The following ADAMTS9 variants were observed in gnomAD, a reference collection of about 807,000 sequenced individuals.
ADAMTS9 encodes ADAM metallopeptidase with thrombospondin type 1 motif 9, also known as A disintegrin and metalloproteinase with thrombospondin motifs 9.
Under a neutral mutation model 257.1 loss-of-function variants are expected in ADAMTS9, and 107 were observed. The observed-to-expected ratio is 0.42, with a 90% confidence interval of 0.36 to 0.49. The LOEUF is 0.49. Among genes scored for constraint, ADAMTS9 ranks in the 20% least tolerant of loss-of-function variants. The probability of loss-of-function intolerance (pLI) is 0.03; values close to 1 mark genes in which losing one functional copy is unlikely to be tolerated. For synonymous variants in ADAMTS9, 982 were observed against 880.9 expected (o/e 1.11, Z -2.03); for missense variants, 2,353 against 2,469.1 (o/e 0.95, Z 1.00).
rs79660480 is a variant in ADAMTS9, at chr3:64,594,532, T to G, written c.4180-98A>C. 75 of 1,460,608 alleles carry G rather than the reference T, an allele frequency of 5.1e-5. No individual in the cohort carries two copies. In the African/African-American group the frequency reaches 9.4e-4, roughly 18 times the overall value. The allele number at this position is 1,460,608 out of a possible 1,614,324, so 90.5% of individuals were successfully genotyped here. A position where few individuals can be genotyped will look rare whatever the true frequency, so the allele number is the denominator to read the frequency against. ...TTCTTAGCCAAACTCAATTATGGCA[T>G]TGGGCAAGGTAAGCCTCTGACAGAT... is the stretch of plus-strand genomic sequence containing the variant. On this transcript the variant is annotated intron_variant, in intron 27 of 39. Transcript: ENST00000498707.
At chr3:64,568,560 T>C (rs1444452093) in intron 28 of ADAMTS9, 25 bp from the exon 29 acceptor site, 1 of 1,606,520 alleles carries the variant, frequency 6.2e-7, no homozygotes, top group Non-Finnish European at 8.5e-7. Context: ...AATGGCAAGG[T>C]TGTTGTTGTT....
At chr3:64,561,460 G>A in intron 30 of ADAMTS9, 118 bp downstream of exon 30, 1 of 1,153,892 alleles carries the variant, frequency 8.7e-7, no homozygotes, top group Non-Finnish European at 1.2e-6. Context: ...TTTTGGGAAA[G>A]AGCCAGCATT....
At chr3:64,657,922 A>C (rs1351121113) in intron 4 of ADAMTS9, among the ~76,000 whole-genome samples, 1 of 152,160 alleles carries the variant, frequency 6.6e-6, no homozygotes, top group Non-Finnish European at 1.5e-5. Context: ...ATGGGAGTAG[A>C]AAAATAGAAT....
intron 28 of ADAMTS9, among the ~76,000 whole-genome samples, chr3:64,580,331 A>G (rs1394456096): frequency 6.6e-6 from 1 of 152,162 alleles, no homozygotes; most frequent in African/African-American, 2.4e-5. Flanking sequence ...CTTTCTAAGT[A>G]TAGGATATCC....
At chr3:64,625,770 G>C (rs1700209048) in intron 16 of ADAMTS9, among the ~76,000 whole-genome samples, 1 of 152,044 alleles carries the variant, frequency 6.6e-6, no homozygotes, top group Admixed American at 6.6e-5. Flanking sequence ...CCAACTTCTT[G>C]GCTCAAAATC....
Position 64,658,555 on chromosome 3 carries a change from C to A in ADAMTS9, c.916G>T (p.Val306Phe), listed in dbSNP as rs1038661890. ...TGAAGGTTTTCTCCATGGTATGAAA[C>A]CATTCTGTTGTCTGCCACCACCAAG... ...EVLVVADNRM[V>F]SYHGENLQHY... is the part of the protein sequence containing the mutation. Residue 306 changes from valine to phenylalanine, a missense_variant, in exon 4 of 40, where the codon GTT becomes TTT. By Grantham distance (50) the Val-to-Phe change is conservative (BLOSUM62 -1). Coordinates refer to ENST00000498707, the MANE Select transcript of ADAMTS9 (RefSeq NM_182920.2). 2 of 1,613,894 alleles carry A rather than the reference C, an allele frequency of 1.2e-6. No individual in the cohort carries two copies. The highest frequency in any genetic ancestry group is 1.7e-6 in the Non-Finnish European group (2 of 1,179,992).
At chr3:64,625,115 A>G (rs988043558) in intron 16 of ADAMTS9, among the ~76,000 whole-genome samples, 2 of 152,214 alleles carry the variant, frequency 1.3e-5, no homozygotes, top group African/African-American at 4.8e-5. Flanking sequence ...AGAAACAAGG[A>G]CATTTAACTC....
At chr3:64,561,431 G>C in intron 30 of ADAMTS9, 147 bp downstream of exon 30, 1 of 791,548 alleles carries the variant, frequency 1.3e-6, no homozygotes, top group Non-Finnish European at 1.9e-6. Context: ...GAGCGAATGC[G>C]CGAGTCTGAC....
intron 30 of ADAMTS9, 134 bp downstream of exon 30, chr3:64,561,444 T>A: frequency 1.0e-6 from 1 of 1,001,986 alleles, no homozygotes; most frequent in Non-Finnish European, 1.4e-6. Flanking sequence ...AGTCTGACAG[T>A]GAACCTTTTG....
Position 64,613,459 on chromosome 3 carries a change from C to A in ADAMTS9, c.3240G>T (p.Gln1080His), listed in dbSNP as rs751868431. 7.4e-6 allele frequency: 12 copies of A among 1,613,906 alleles called. No homozygotes were observed. Among genetic ancestry groups the A allele is most frequent in the African/African-American group, 2.7e-5 (2 of 74,936 alleles). ...TATCATTTAATCGATCTTCACCAAACTGACACCAGACCTGGCGGTGCTTAT... is the reference window on the plus strand; with the variant it reads ...TATCATTTAATCGATCTTCACCAAAATGACACCAGACCTGGCGGTGCTTAT... ...KGHKHRQVWC[Q>H]FGEDRLNDRM... Residue 1080 changes from glutamine to histidine, a missense_variant, in exon 22 of 40, where the codon CAG (glutamine) becomes CAT (histidine). By Grantham distance (24) the Gln-to-His change is conservative. Coordinates refer to ENST00000498707, the MANE Select transcript of ADAMTS9 (RefSeq NM_182920.2).
chr3:64,671,438 C>T (rs1701485222), intron 3 of ADAMTS9, among the ~76,000 whole-genome samples: 1 of 152,050 alleles, frequency 6.6e-6, no homozygotes, highest in African/African-American at 2.4e-5. Flanking sequence ...GTAAATGTTA[C>T]AGCATGTAAA....
At chr3:64,536,772 G>A (rs2083056203) in intron 37 of ADAMTS9, among the ~76,000 whole-genome samples, 1 of 152,168 alleles carries the variant, frequency 6.6e-6, no homozygotes, top group South Asian at 2.1e-4. Flanking sequence ...CATAATAAAT[G>A]CTAGCTATTA....
chr3:64,544,763 C>T (rs555000896), intron 32 of ADAMTS9, among the ~76,000 whole-genome samples: 2 of 152,210 alleles, frequency 1.3e-5, no homozygotes, highest in East Asian at 3.9e-4. Flanking sequence ...AATAGACAAA[C>T]AGGATCTAAT....
intron 3 of ADAMTS9, among the ~76,000 whole-genome samples, chr3:64,680,275 C>G (rs898536085): frequency 6.6e-6 from 1 of 151,736 alleles, no homozygotes; most frequent in Non-Finnish European, 1.5e-5. Context: ...CCAGAAAGAC[C>G]CTGAGATGCT....
In ADAMTS9 at chr3:64,616,190, C is replaced by A. The variant is rs762628475; in HGVS notation, c.2814-20G>T. ...TGCCACCTATGCAAAAATAATGGGG[C>A]AAAACCAACATTTCTGTTAAAAATA... is the stretch of plus-strand genomic sequence containing the variant. On this transcript the variant is annotated intron_variant, in intron 19 of 39. Coordinates refer to ENST00000498707, the MANE Select transcript of ADAMTS9 (RefSeq NM_182920.2). 1.2e-6 allele frequency: 2 copies of A among 1,611,870 alleles called. No individual in the cohort carries two copies. The highest frequency in any genetic ancestry group is 1.7e-6 in the Non-Finnish European group (2 of 1,178,048).
intron 16 of ADAMTS9, among the ~76,000 whole-genome samples, chr3:64,625,919 T>C (rs1461167835): frequency 2.0e-5 from 3 of 152,174 alleles, no homozygotes; most frequent in Admixed American, 1.3e-4. Context: ...TCAAGTCCTG[T>C]ATATTTCCAG....
chr3:64,525,817 G>A (rs1188751234), intron 38 of ADAMTS9, among the ~76,000 whole-genome samples: 1 of 151,430 alleles, frequency 6.6e-6, no homozygotes, highest in African/African-American at 2.4e-5. Flanking sequence ...CACTATGTTG[G>A]CCAGACTGGT....
chr3:64,654,590 C>T lies in ADAMTS9; in HGVS notation c.1192G>A (p.Asp398Asn), dbSNP rs375380448. 1.4e-5 allele frequency: 23 copies of T among 1,614,016 alleles called. No homozygotes were observed. The highest frequency in any genetic ancestry group is 6.7e-5 in the East Asian group (3 of 44,892). The change falls in exon 7 of 40, where the codon GAC becomes AAC. Residue 398 changes from aspartate (D) to asparagine (N), a missense_variant. Physicochemically the swap from Asp to Asn is conservative, Grantham distance 23. This residue lies in a region of ADAMTS9 where 591 missense variants were observed against 569.6 expected (regional missense o/e 1.04). Coordinates refer to ENST00000498707, the MANE Select transcript of ADAMTS9 (RefSeq NM_182920.2). The stretch of plus-strand genomic sequence containing the variant: ...AACTCACCTAAGGTATCACATTTGT[C>T]GTGAGCTCTGCAGATATCCTGTCTG... ...LTRQDICRAH[D>N]KCDTLGLAEL...
At chr3:64,662,467 G>A (rs1412022231) in intron 3 of ADAMTS9, among the ~76,000 whole-genome samples, 1 of 151,960 alleles carries the variant, frequency 6.6e-6, no homozygotes, top group Non-Finnish European at 1.5e-5. Flanking sequence ...TCTTCTGCCT[G>A]GCTGCTCTAT....
Sources: allele counts gnomAD v4.1 joint callset (sites outside exome capture counted in the v4.1 genomes callset), GRCh38; gene constraint gnomAD v4.1.1; regional missense constraint gnomAD v4.1.1; transcripts MANE v1.5; gene names NCBI Gene and HGNC (gene_info 2026-07-23, HGNC 2026-07-21).